Variants in REPS1 observed in about 807,000 individuals in gnomAD.
REPS1 encodes RALBP1 associated Eps domain containing 1, also known as ralBP1-associated Eps domain-containing protein 1.
REPS1 carries 39 observed loss-of-function variants against 100.9 expected under a neutral mutation model. The observed-to-expected ratio is 0.39, with a 90% CI of 0.30 to 0.50. The LOEUF (loss-of-function observed/expected upper bound fraction) is 0.50. Ranked by LOEUF, REPS1 falls within the 20% of genes least tolerant of loss-of-function variation. REPS1 has a pLI of 0.86. For synonymous variants in REPS1, 324 were observed against 340.3 expected (o/e 0.95, Z 0.53); for missense variants, 821 against 968.5 (o/e 0.85, Z 2.02).
chr6:138,937,445 A>G (rs6925604), intron 8 of REPS1, among the ~76,000 whole-genome samples: 35,924 of 152,040 alleles, frequency 0.24, 5,095 homozygotes, highest in African/African-American at 0.4. Flanking sequence ...CACCAAGGTA[A>G]TCTCAAATCT....
At chr6:138,922,192 CT>C (rs1413381429) in intron 10 of REPS1, among the ~76,000 whole-genome samples, 1 of 152,114 alleles carries the variant, frequency 6.6e-6, no homozygotes, top group Non-Finnish European at 1.5e-5. Flanking sequence ...AAATTTGACA[CT>C]TTCTTTAACC....
At chr6:138,953,361 A>G (rs890927484) in intron 1 of REPS1, among the ~76,000 whole-genome samples, 4 of 152,190 alleles carry the variant, frequency 2.6e-5, no homozygotes, top group African/African-American at 9.7e-5. Flanking sequence ...ATCAAACTAA[A>G]AACTTCTGCA....
At chr6:138,962,177 G>A (rs986093532) in intron 1 of REPS1, among the ~76,000 whole-genome samples, 1 of 152,096 alleles carries the variant, frequency 6.6e-6, no homozygotes, top group African/African-American at 2.4e-5. Context: ...TAAAATAAAT[G>A]GCAAGACTGC....
At position 138,938,236 on chromosome 6, in the gene REPS1, C is replaced by G. The variant is rs368582776; in HGVS notation, c.1135+3099G>C. On this transcript the variant is annotated intron_variant, in intron 8 of 19. Transcript: ENST00000450536. ...ATGAACCTTAGTAGTTCTATTTTAT[C>G]TATGCATACCTGTTCAAGCAATTTT... Among the ~76,000 whole-genome samples, 25 of 152,232 alleles carry G rather than the reference C, an allele frequency of 1.6e-4. No individual in the cohort carries two copies. In the East Asian group the frequency reaches 4.1e-3, roughly 25 times the overall value.
At chr6:138,975,082 A>T (rs948932961) in intron 1 of REPS1, among the ~76,000 whole-genome samples, 1 of 152,130 alleles carries the variant, frequency 6.6e-6, no homozygotes, top group African/African-American at 2.4e-5. Context: ...ACGCTTCTAA[A>T]GCCACCTAGC....
chr6:138,908,592 G>A (rs1779810320), intron 18 of REPS1, 76 bp downstream of exon 18: 20 of 1,525,870 alleles, frequency 1.3e-5, no homozygotes, highest in Non-Finnish European at 1.7e-5. Flanking sequence ...ACCACGCCTG[G>A]GCCAGTTTGA....
intron 15 of REPS1, among the ~76,000 whole-genome samples, chr6:138,913,739 C>T (rs528377237): frequency 1.3e-5 from 2 of 152,328 alleles, no homozygotes; most frequent in South Asian, 2.1e-4. Flanking sequence ...CTCCACACAT[C>T]TACTCCTGTT....
chr6:138,966,723 T>G (rs1784046228), intron 1 of REPS1, among the ~76,000 whole-genome samples: 1 of 152,202 alleles, frequency 6.6e-6, no homozygotes, highest in African/African-American at 2.4e-5. Flanking sequence ...GTTGTTAAGT[T>G]TTTGGTTGGA....
At chr6:138,926,067 TAA>T (rs1292476330) in intron 10 of REPS1, among the ~76,000 whole-genome samples, 2 of 152,168 alleles carry the variant, frequency 1.3e-5, no homozygotes, top group Admixed American at 6.6e-5. Flanking sequence ...AGATAATACA[TAA>T]AGAGTCACTA....
intron 1 of REPS1, among the ~76,000 whole-genome samples, chr6:138,956,355 G>C (rs1277844541): frequency 3.3e-5 from 5 of 151,988 alleles, no homozygotes; most frequent in African/African-American, 1.2e-4. Context: ...ACAAAATCCA[G>C]AGACTCACCC....
intron 1 of REPS1, among the ~76,000 whole-genome samples, chr6:138,987,301 G>C (rs544228085): frequency 6.6e-6 from 1 of 152,322 alleles, no homozygotes; most frequent in Admixed American, 6.5e-5. Context: ...TACCGGCTGA[G>C]GCTCTTCAGA....
chr6:138,966,656 C>T (rs572416260), intron 1 of REPS1, among the ~76,000 whole-genome samples: 1 of 152,310 alleles, frequency 6.6e-6, no homozygotes, highest in Non-Finnish European at 1.5e-5. Context: ...CCCAGTAGTA[C>T]ATTCATCTAA....
intron 1 of REPS1, among the ~76,000 whole-genome samples, chr6:138,960,852 A>G (rs1314809122): frequency 6.6e-6 from 1 of 152,242 alleles, no homozygotes; most frequent in Non-Finnish European, 1.5e-5. Context: ...ATTTCTTAAT[A>G]TCACTACTGA....
In REPS1 at chr6:138,911,367, T is replaced by G. The variant is rs1383602631; in HGVS notation, c.1976A>C (p.Glu659Ala). ...AGAACTTGCAGGATCAGAAGCTTTT[T>G]CAGCCTAAAAATGAATATGTTTATC... Reference protein sequence around the residue: ...AEKHPEVLPAEKASDPASSLR... With the variant: ...AEKHPEVLPAAKASDPASSLR... Residue 659 changes from glutamate (E) to alanine (A), a missense_variant, in exon 17 of 20, where the codon GAA (glutamate) becomes GCA (alanine). Around this residue, in one of 3 missense-constraint regions of REPS1, gnomAD observed 757 missense variants for 866.4 expected, o/e 0.87. Coordinates refer to ENST00000450536, the MANE Select transcript of REPS1 (RefSeq NM_001286611.2). 6.2e-7 allele frequency: 1 copy of G among 1,608,278 alleles called. No individual in the cohort carries two copies. Among genetic ancestry groups the G allele is most frequent in the Non-Finnish European group, 8.5e-7 (1 of 1,174,956 alleles).
At chr6:138,937,186 A>G (rs1041544563) in intron 8 of REPS1, among the ~76,000 whole-genome samples, 1 of 152,102 alleles carries the variant, frequency 6.6e-6, no homozygotes, top group African/African-American at 2.4e-5. Context: ...ACCTGCCCCC[A>G]TGATTCAATT....
chr6:138,987,455 C>T, intron 1 of REPS1, 75 bp downstream of exon 1: 2 of 1,355,878 alleles, frequency 1.5e-6, no homozygotes, highest in Non-Finnish European at 1.9e-6. Context: ...CCCAAGGAAT[C>T]GGCGCCCACT....
chr6:138,968,307 A>G (rs1784126817), intron 1 of REPS1, among the ~76,000 whole-genome samples: 1 of 152,220 alleles, frequency 6.6e-6, no homozygotes, highest in African/African-American at 2.4e-5. Context: ...ACAATGATGA[A>G]AAAGCTATCA....
chr6:138,930,794 T>C (rs1270599877), intron 8 of REPS1, among the ~76,000 whole-genome samples: 2 of 152,082 alleles, frequency 1.3e-5, no homozygotes, highest in African/African-American at 2.4e-5. Context: ...AAAAGCAAAG[T>C]CAATAAGCTC....
intron 1 of REPS1, among the ~76,000 whole-genome samples, chr6:138,972,096 T>A (rs915078851): frequency 4.6e-5 from 7 of 152,172 alleles, no homozygotes; most frequent in Non-Finnish European, 8.8e-5. Context: ...ACAGCATAAA[T>A]GAACAAAAAT....
Sources: allele counts gnomAD v4.1 joint callset (sites outside exome capture counted in the v4.1 genomes callset), GRCh38; gene constraint gnomAD v4.1.1; regional missense constraint gnomAD v4.1.1; transcripts MANE v1.5; gene names NCBI Gene and HGNC (gene_info 2026-07-23, HGNC 2026-07-21).